TBC1D22A: variants seen among roughly 807,000 people sequenced by gnomAD.
The protein encoded by TBC1D22A is TBC1 domain family member 22A.
Under a neutral mutation model 60.2 loss-of-function variants are expected in TBC1D22A, and 38 were observed. That is an observed-to-expected ratio of 0.63 (90% CI 0.49 to 0.83). The LOEUF (loss-of-function observed/expected upper bound fraction) is 0.83, where lower values mean the gene tolerates loss of function less well. TBC1D22A is among the 40% of genes least tolerant of loss of function. The pLI, the probability that TBC1D22A is intolerant of heterozygous loss-of-function variation, is 0.00. For synonymous variants in TBC1D22A, 302 were observed against 281.7 expected, an observed-to-expected ratio of 1.07 and a Z score of -0.72; for missense variants, 628 against 701.0, an observed-to-expected ratio of 0.90 and a Z score of 1.18.
At chr22:47,039,729 A>C (rs916780383) in intron 11 of TBC1D22A, among the ~76,000 whole-genome samples, 1 of 148,942 alleles carries the variant, frequency 6.7e-6, no homozygotes, top group Non-Finnish European at 1.5e-5. Flanking sequence ...AAAAAAAAAG[A>C]AATACCTGGG....
chr22:47,086,668 C>A (rs781083753), intron 11 of TBC1D22A, among the ~76,000 whole-genome samples: 1 of 152,150 alleles, frequency 6.6e-6, no homozygotes, highest in Non-Finnish European at 1.5e-5. Context: ...TAATGCCCAA[C>A]AGCAGAGAGC....
At chr22:46,762,994 G>A (rs551516664) in intron 1 of TBC1D22A, 146 bp downstream of exon 1, 19 of 725,392 alleles carry the variant, frequency 2.6e-5, no homozygotes, top group Middle Eastern at 6.3e-4. Flanking sequence ...ACGGGCGTTG[G>A]GGGGCTCGGA....
intron 4 of TBC1D22A, among the ~76,000 whole-genome samples, chr22:46,831,833 G>A (rs1602061195): frequency 1.3e-5 from 2 of 152,346 alleles, no homozygotes; most frequent in South Asian, 2.1e-4. Flanking sequence ...GAGAAGGAGC[G>A]ATAGATCATC....
rs1390274031 is a variant in TBC1D22A at position 46,792,553 on chromosome 22, CT to C, written c.99del (p.Phe33LeufsTer21). 1.2e-6 allele frequency: 2 copies of C among 1,614,132 alleles called. No homozygotes were observed. Among genetic ancestry groups the C allele is most frequent in the Non-Finnish European group, 1.7e-6 (2 of 1,180,052 alleles). Reference protein sequence around the residue: ...QHVYGAQHPPFDPLLHGTLLR... With the variant: ...QHVYGAQHPPXDPLLHGTLLR... ...ACGTGTATGGTGCCCAGCACCCCCC[CT>C]TTGATCCACTGTTACATGGCACGTA... On this transcript the variant is annotated frameshift_variant, in exon 2 of 13. Transcript: ENST00000337137. LOFTEE classifies it high-confidence loss of function.
intron 10 of TBC1D22A, 76 bp from the exon 11 acceptor site, chr22:47,036,995 G>A (rs1184084626): frequency 1.3e-6 from 2 of 1,592,886 alleles, no homozygotes; most frequent in East Asian, 2.3e-5. Context: ...AGGCCCTTGG[G>A]GGACAAGTGA....
At chr22:47,143,905 G>A (rs569251631) in intron 12 of TBC1D22A, among the ~76,000 whole-genome samples, 66 of 152,364 alleles carry the variant, frequency 4.3e-4, no homozygotes, top group African/African-American at 1.5e-3. Context: ...GTGGAGAGGT[G>A]TGCACTTACG....
intron 11 of TBC1D22A, among the ~76,000 whole-genome samples, chr22:47,077,342 G>A (rs550288687): frequency 1.3e-5 from 2 of 152,188 alleles, no homozygotes; most frequent in African/African-American, 4.8e-5. Flanking sequence ...TCACCAGTAT[G>A]TGAGTTCTGG....
chr22:46,930,560 G>A (rs932084831), intron 8 of TBC1D22A, among the ~76,000 whole-genome samples: 77 of 151,860 alleles, frequency 5.1e-4, no homozygotes, highest in African/African-American at 1.8e-3. Context: ...GGTTCATGCC[G>A]TTCTTCTGCC....
intron 12 of TBC1D22A, among the ~76,000 whole-genome samples, chr22:47,160,216 G>T (rs912567874): frequency 6.6e-6 from 1 of 152,250 alleles, no homozygotes; most frequent in South Asian, 2.1e-4. Context: ...TGGACAGGAC[G>T]TGGACACCGC....
chr22:47,097,501 C>G (rs1462304755), intron 11 of TBC1D22A, among the ~76,000 whole-genome samples: 1 of 152,012 alleles, frequency 6.6e-6, no homozygotes, highest in African/African-American at 2.4e-5. Flanking sequence ...GTTATCCCAG[C>G]TACTTGGGAG....
chr22:46,943,300 A>C (rs896439592), intron 8 of TBC1D22A, among the ~76,000 whole-genome samples: 2 of 152,182 alleles, frequency 1.3e-5, no homozygotes, highest in Non-Finnish European at 2.9e-5. Context: ...GAGGCTGCCC[A>C]GCTGTCCTAG....
chr22:46,886,080 T>A (rs1259824124), intron 5 of TBC1D22A, among the ~76,000 whole-genome samples: 1 of 152,008 alleles, frequency 6.6e-6, no homozygotes, highest in African/African-American at 2.4e-5. Context: ...GCTAATTTTT[T>A]GTGTTTTTAG....
At chr22:47,128,475 C>T (rs2066569723) in intron 12 of TBC1D22A, among the ~76,000 whole-genome samples, 1 of 146,472 alleles carries the variant, frequency 6.8e-6, no homozygotes, top group African/African-American at 2.6e-5. Flanking sequence ...TGAGTGGCAT[C>T]TTCCAGGGAG....
intron 4 of TBC1D22A, among the ~76,000 whole-genome samples, chr22:46,854,121 C>T (rs544737816): frequency 6.6e-6 from 1 of 152,320 alleles, no homozygotes; most frequent in African/African-American, 2.4e-5. Flanking sequence ...CCTGTCTTTC[C>T]GCACCTCTGA....
chr22:46,815,497 T>C (rs1182199722), intron 4 of TBC1D22A, among the ~76,000 whole-genome samples: 1 of 152,262 alleles, frequency 6.6e-6, no homozygotes, highest in African/African-American at 2.4e-5. Flanking sequence ...GCCAAGGTTT[T>C]TCTGCTTCAG....
intron 10 of TBC1D22A, among the ~76,000 whole-genome samples, chr22:47,003,543 T>C (rs1490486444): frequency 1.5e-5 from 2 of 136,962 alleles, no homozygotes; most frequent in Admixed American, 1.5e-4. Flanking sequence ...TACACACACA[T>C]GCCTGTATAC....
chr22:47,084,283 T>A (rs1052113896), intron 11 of TBC1D22A, among the ~76,000 whole-genome samples: 2 of 152,228 alleles, frequency 1.3e-5, no homozygotes, highest in Admixed American at 1.3e-4. Context: ...ATGTAGACAT[T>A]CCCATCATTG....
intron 4 of TBC1D22A, among the ~76,000 whole-genome samples, chr22:46,866,846 G>A (rs146962774): frequency 9.2e-5 from 14 of 152,208 alleles, no homozygotes; most frequent in East Asian, 5.8e-4. Context: ...GCTGTGATCC[G>A]CAAGAGCTTG....
At chr22:47,024,329 C>T (rs1418510753) in intron 10 of TBC1D22A, among the ~76,000 whole-genome samples, 1 of 152,094 alleles carries the variant, frequency 6.6e-6, no homozygotes, top group Admixed American at 6.5e-5. Flanking sequence ...GACAGTTGGG[C>T]CACACTAATA....
Sources: gnomAD v4.1 joint callset for allele counts (sites outside exome capture counted in the v4.1 genomes callset) on GRCh38, gnomAD v4.1.1 for gene constraint, MANE v1.5 for transcripts, NCBI Gene and HGNC (gene_info 2026-07-23, HGNC 2026-07-21) for gene names.